The following AGAP9 variants were observed in gnomAD, a reference collection of about 807,000 sequenced individuals.
AGAP9 encodes arf-GAP with GTPase, ANK repeat and PH domain-containing protein 9.
In AGAP9, 23 loss-of-function variants were observed where a neutral mutation model predicts 55.6. That is an observed-to-expected ratio of 0.41 (90% confidence interval 0.30 to 0.59). AGAP9 has a LOEUF of 0.59. AGAP9 is among the 20% of genes least tolerant of loss of function. The pLI is 0.25. For synonymous variants in AGAP9, 120 were observed against 305.0 expected, an observed-to-expected ratio of 0.39 and a Z score of 6.32; for missense variants, 309 against 808.1, an observed-to-expected ratio of 0.38 and a Z score of 7.49.
rs1417910217 is a variant in AGAP9 at position 47,521,738 on chromosome 10, C to T, written c.292+1128G>A. ...TTTTCTGTTTTCTACCGGCTCCCAT[C>T]CCCTGCCTCTGCCAACAGTGTAGAG... On this transcript the variant is annotated intron_variant, in intron 2 of 7. Coordinates refer to ENST00000452145, the MANE Select transcript of AGAP9 (RefSeq NM_001190810.1). Among the ~76,000 whole-genome samples, 9 of 151,296 alleles carry T rather than the reference C, an allele frequency of 5.9e-5. No homozygotes were observed. The East Asian group carries it at 1.6e-3, about 27-fold the overall frequency.
rs1315315712 is a variant in AGAP9, at chr10:47,511,168, C to T, written c.397-897G>A. On this transcript the variant is annotated intron_variant, in intron 4 of 7. Coordinates refer to ENST00000452145, the MANE Select transcript of AGAP9 (RefSeq NM_001190810.1). ...CCGTGTTAGCCAGGATGGTCTCGAT[C>T]TCCTCACCTCGTGATCTGCCTGCCT... Among the ~76,000 whole-genome samples the T allele has an allele frequency of 1.5e-5, 2 of 135,196 alleles. 1 individual carries two copies. Among genetic ancestry groups the T allele is most frequent in the African/African-American group, 5.9e-5 (2 of 33,644 alleles). 88.7% of individuals were successfully genotyped at this position (135,196 alleles called of 152,430 possible). A position where few individuals can be genotyped will look rare whatever the true frequency, so the allele number is the denominator to read the frequency against.
rs1221696087 is a variant in AGAP9, at chr10:47,522,262, G to A, written c.292+604C>T. ...TTCATGTCTTTTGAAAGTTTTGACC[G>A]TGAACCAATCCCCACCTCTCTTTTA... On this transcript the variant is annotated intron_variant, in intron 2 of 7. Transcript: ENST00000452145. Among the ~76,000 whole-genome samples the A allele has an allele frequency of 1.3e-4, 19 of 143,788 alleles. 1 individual carries two copies. Among genetic ancestry groups the A allele is most frequent in the African/African-American group, 2.3e-4 (9 of 38,310 alleles). The allele number at this position is 143,788 out of a possible 152,430, so 94.3% of individuals were successfully genotyped here.
chr10:47,508,506 G>GT (rs1840529092), intron 5 of AGAP9, among the ~76,000 whole-genome samples: 1 of 111,602 alleles, frequency 9.0e-6, no homozygotes, highest in South Asian at 3.3e-4. Flanking sequence ...CTTGCCCAAG[G>GT]TCCCACCAAA....
Position 47,503,006 on chromosome 10 carries a change from T to C in AGAP9, c.1123A>G (p.Ile375Val). The C allele has an allele frequency of 1.9e-6, 3 of 1,598,636 alleles. No individual in the cohort carries two copies. The highest frequency in any genetic ancestry group is 2.6e-6 in the Non-Finnish European group (3 of 1,174,474). The change falls in exon 8 of 8, where the codon ATA (isoleucine) becomes GTA (valine). Residue 375 changes from isoleucine to valine, a missense_variant. Physicochemically the swap from Ile to Val is conservative, Grantham distance 29. Coordinates refer to ENST00000452145, the MANE Select transcript of AGAP9 (RefSeq NM_001190810.1). ...KDMDTGLGDS[I>V]CFSPGISSTT... is the part of the protein sequence containing the mutation. ...CTGGAGATACCGGGGCTGAAGCATA[T>C]GGAGTCACCCAGCCCGGTGTCCATG...
Position 47,507,636 on chromosome 10 carries a change from G to A in AGAP9, c.498-53C>T, listed in dbSNP as rs1377109713. 3.9e-6 allele frequency: 6 copies of A among 1,526,966 alleles called. 1 individual carries two copies. Among genetic ancestry groups the A allele is most frequent in the African/African-American group, 1.5e-5 (1 of 68,542 alleles). The allele number at this position is 1,526,966 out of a possible 1,614,324, so 94.6% of individuals were successfully genotyped here. A position where few individuals can be genotyped will look rare whatever the true frequency, so the allele number is the denominator to read the frequency against. ...ATAGATGTTATCATTTGTTAGGCCT[G>A]CAGACATTTTTTAAAAGGGGGGCAG... On this transcript the variant is annotated intron_variant, in intron 5 of 7. Transcript: ENST00000452145.
At chr10:47,511,012 C>A (rs1274963222) in intron 4 of AGAP9, among the ~76,000 whole-genome samples, 13 of 127,032 alleles carry the variant, frequency 1.0e-4, no homozygotes, top group African/African-American at 3.8e-4. Context: ...GGCGCGATCT[C>A]GGCTCACTGC....
chr10:47,511,013 G>C (rs1206293744), intron 4 of AGAP9, among the ~76,000 whole-genome samples: 1 of 126,380 alleles, frequency 7.9e-6, no homozygotes, highest in Non-Finnish European at 1.6e-5. Flanking sequence ...GCGCGATCTC[G>C]GCTCACTGCA....
At chr10:47,514,159 G>C (rs1158488605) in intron 4 of AGAP9, among the ~76,000 whole-genome samples, 1 of 143,018 alleles carries the variant, frequency 7.0e-6, no homozygotes, top group Non-Finnish European at 1.5e-5. Context: ...AATCTATGAG[G>C]AACTCAAACA....
chr10:47,511,222 C>G (rs1455309864), intron 4 of AGAP9, among the ~76,000 whole-genome samples: 1 of 140,882 alleles, frequency 7.1e-6, no homozygotes. Context: ...GGATTACAGG[C>G]GTGAGCCACG....
intron 4 of AGAP9, among the ~76,000 whole-genome samples, chr10:47,513,183 C>T (rs1413463599): frequency 1.3e-3 from 199 of 149,448 alleles, no homozygotes; most frequent in Non-Finnish European, 1.6e-3. Flanking sequence ...AACAGGTGAG[C>T]GCCACCACGC....
chr10:47,513,665 C>T (rs1275486394), intron 4 of AGAP9, among the ~76,000 whole-genome samples: 6 of 139,918 alleles, frequency 4.3e-5, no homozygotes, highest in South Asian at 2.3e-4. Flanking sequence ...GCCAAAATAG[C>T]ACGGTACTGA....
At chr10:47,505,418 C>A in intron 6 of AGAP9, among the ~76,000 whole-genome samples, 1 of 123,366 alleles carries the variant, frequency 8.1e-6, no homozygotes, top group Non-Finnish European at 1.7e-5. Context: ...TTTGATGAAG[C>A]AATAAAAATT....
At position 47,502,487 on chromosome 10, in the gene AGAP9, T is replaced by C. The variant is rs1247290756; in HGVS notation, c.1642A>G (p.Ser548Gly). 1 of 1,613,042 alleles carries C rather than the reference T, an allele frequency of 6.2e-7. No individual in the cohort carries two copies. The highest frequency in any genetic ancestry group is 1.3e-5 in the African/African-American group (1 of 74,618). ...ATTGAGGGTTTTGTCTGCCCCTGGC[T>C]GCTCCCTTCCCAGATGCTGTTGGCT... ...ELANSIWEGSSQGQTKPSIKS... is the reference protein window; with the variant it reads ...ELANSIWEGSGQGQTKPSIKS... The change falls in exon 8 of 8, where the codon AGC becomes GGC. Residue 548 changes from serine (S) to glycine (G), a missense_variant. Transcript: ENST00000452145.
At chr10:47,510,910 A>T (rs1200700230) in intron 4 of AGAP9, among the ~76,000 whole-genome samples, 1 of 132,536 alleles carries the variant, frequency 7.5e-6, no homozygotes, top group African/African-American at 2.8e-5. Context: ...GCAGCCAAGA[A>T]TTTCTATTAA....
rs1840361963 is a variant in AGAP9, at chr10:47,502,094, C to T, written c.*58G>A. On this transcript the variant is annotated 3_prime_UTR_variant, in exon 8 of 8. Transcript: ENST00000452145. The stretch of plus-strand genomic sequence containing the variant: ...CAGATACTACACGCACTCGTCGGGG[C>T]AGCCGTACTGCAGAAGCACGTTGAT... The T allele has an allele frequency of 6.4e-7, 1 of 1,570,892 alleles. No individual in the cohort carries two copies. The highest frequency in any genetic ancestry group is 8.7e-7 in the Non-Finnish European group (1 of 1,153,990).
chr10:47,503,806 T>C (rs1840409722), intron 7 of AGAP9, among the ~76,000 whole-genome samples: 2 of 127,392 alleles, frequency 1.6e-5, no homozygotes, highest in African/African-American at 6.4e-5. Context: ...TGGTGGCACA[T>C]GCCTGTAATT....
intron 4 of AGAP9, among the ~76,000 whole-genome samples, chr10:47,514,236 G>C (rs1840686151): frequency 1.3e-5 from 2 of 149,064 alleles, no homozygotes; most frequent in African/African-American, 5.1e-5. Flanking sequence ...TAAAGAAACT[G>C]TGATATACAT....
In AGAP9 at chr10:47,503,311, G is replaced by C; in HGVS notation, c.818C>G (p.Ala273Gly). The part of the protein sequence containing the change: ...DKERKAPENH[A>G]DTIGSGRAIP... ...GGCTCTGCCGCTCCCGATGGTGTCA[G>C]CATGATTCTCCGGGGCTTTCCTCTC... Residue 273 changes from alanine (A) to glycine (G), a missense_variant, in exon 8 of 8, where the codon GCT (alanine) becomes GGT (glycine). Ala to Gly is a moderately conservative substitution (Grantham distance 60). Coordinates refer to ENST00000452145, the MANE Select transcript of AGAP9 (RefSeq NM_001190810.1). The C allele has an allele frequency of 6.3e-7, 1 of 1,594,152 alleles. No homozygotes were observed. The highest frequency in any genetic ancestry group is 1.7e-5 in the Admixed American group (1 of 58,584).
intron 2 of AGAP9, among the ~76,000 whole-genome samples, chr10:47,521,939 C>T (rs71277341): frequency 1.4e-5 from 2 of 147,654 alleles, no homozygotes; most frequent in Admixed American, 1.4e-4. Context: ...CGCCACTACG[C>T]CCAGCTAATT....
Sources: gnomAD v4.1 joint callset for allele counts (sites outside exome capture counted in the v4.1 genomes callset) on GRCh38, gnomAD v4.1.1 for gene constraint, MANE v1.5 for transcripts, NCBI Gene and HGNC (gene_info 2026-07-23, HGNC 2026-07-21) for gene names.